SMYD3: variants seen among roughly 807,000 people sequenced by gnomAD.
SMYD3 encodes the protein histone-lysine N-methyltransferase SMYD3.
Under a neutral mutation model 57.7 loss-of-function variants are expected in SMYD3, and 36 were observed. That is an observed-to-expected ratio of 0.62 (90% CI 0.48 to 0.82). SMYD3 has a LOEUF of 0.82. SMYD3 is among the 40% of genes least tolerant of loss of function. SMYD3 has a pLI of 0.00. For synonymous variants in SMYD3, 211 were observed against 195.0 expected (o/e 1.08, Z -0.68); for missense variants, 515 against 538.8 (o/e 0.96, Z 0.44).
intron 5 of SMYD3, among the ~76,000 whole-genome samples, chr1:246,313,360 T>C (rs887327026): frequency 8.5e-5 from 13 of 152,130 alleles, no homozygotes; most frequent in Admixed American, 8.5e-4. Flanking sequence ...ACTGAATGAT[T>C]GTGAAGGAGG....
chr1:246,077,169 T>C (rs1380427297), intron 5 of SMYD3, among the ~76,000 whole-genome samples: 3 of 152,202 alleles, frequency 2.0e-5, no homozygotes, highest in African/African-American at 7.2e-5. Context: ...TGTCTAATTA[T>C]GGTGGCTCTT....
At chr1:245,892,907 T>C (rs2053482644) in intron 8 of SMYD3, among the ~76,000 whole-genome samples, 1 of 152,190 alleles carries the variant, frequency 6.6e-6, no homozygotes, top group Non-Finnish European at 1.5e-5. Context: ...TTAAAACTTC[T>C]GCTTTTCATT....
At chr1:246,289,665 G>A (rs746602943) in intron 5 of SMYD3, among the ~76,000 whole-genome samples, 2 of 152,072 alleles carry the variant, frequency 1.3e-5, no homozygotes, top group African/African-American at 2.4e-5. Context: ...AAGATAATTC[G>A]ACTGCTTGGT....
chr1:246,423,064 C>T (rs1452282535), intron 1 of SMYD3, among the ~76,000 whole-genome samples: 1 of 152,066 alleles, frequency 6.6e-6, no homozygotes, highest in Non-Finnish European at 1.5e-5. Flanking sequence ...TTTGGGAGGC[C>T]AAGGCAGGCG....
intron 1 of SMYD3, among the ~76,000 whole-genome samples, chr1:246,388,099 T>C (rs2066515949): frequency 1.1e-5 from 1 of 94,876 alleles, no homozygotes; most frequent in Non-Finnish European, 2.2e-5. Context: ...GCATTCATTC[T>C]TGAAAATCAC....
intron 5 of SMYD3, among the ~76,000 whole-genome samples, chr1:245,932,634 A>C (rs1367986639): frequency 6.6e-6 from 1 of 152,162 alleles, no homozygotes; most frequent in Non-Finnish European, 1.5e-5. Context: ...ATCATGGCTC[A>C]CTGCAGCCTC....
intron 5 of SMYD3, among the ~76,000 whole-genome samples, chr1:246,018,814 G>C (rs371950805): frequency 6.7e-6 from 1 of 150,106 alleles, no homozygotes; most frequent in East Asian, 2.0e-4. Flanking sequence ...ATTTTTCCCA[G>C]ACTGGTCTCA....
chr1:246,020,367 T>C (rs144578206), intron 5 of SMYD3, among the ~76,000 whole-genome samples: 36 of 152,350 alleles, frequency 2.4e-4, no homozygotes, highest in African/African-American at 8.7e-4. Flanking sequence ...GATTTCCTAA[T>C]GAGCTATGGG....
chr1:246,331,286 G>T (rs754590760), intron 3 of SMYD3, among the ~76,000 whole-genome samples: 1 of 152,210 alleles, frequency 6.6e-6, no homozygotes, highest in Non-Finnish European at 1.5e-5. Context: ...AAGGGCCGAA[G>T]AAATCACTTC....
intron 10 of SMYD3, among the ~76,000 whole-genome samples, chr1:245,854,997 G>A (rs931015930): frequency 1.3e-5 from 2 of 152,124 alleles, no homozygotes; most frequent in Non-Finnish European, 2.9e-5. Flanking sequence ...TATTCAGACC[G>A]GCCACTCTCA....
At position 246,448,701 on chromosome 1, in the gene SMYD3, TTTTAAAAAAA is replaced by T. The variant is rs556349513; in HGVS notation, c.164+58343_164+58352del. On this transcript the variant is annotated intron_variant, in intron 1 of 11. Coordinates refer to ENST00000490107, the MANE Select transcript of SMYD3 (RefSeq NM_001167740.2). ...AACACAGCAAGATCTCATCTCTTTTTTTTAAAAAAAAAAAAAAAAAAAAAAAAGGACAAAA... is the reference window on the plus strand; with the variant it reads ...AACACAGCAAGATCTCATCTCTTTTTAAAAAAAAAAAAAAAAAGGACAAAA... Among the ~76,000 whole-genome samples the T allele has an allele frequency of 2.8e-3, 233 of 82,044 alleles. 5 individuals are homozygous for T. The South Asian group carries it at 0.068, about 24-fold the overall frequency. The allele number at this position is 82,044 out of a possible 152,430, so 53.8% of individuals were successfully genotyped here. A position where few individuals can be genotyped will look rare whatever the true frequency, so the allele number is the denominator to read the frequency against.
intron 5 of SMYD3, among the ~76,000 whole-genome samples, chr1:246,277,085 T>C (rs1020608514): frequency 6.6e-6 from 1 of 152,238 alleles, no homozygotes; most frequent in Non-Finnish European, 1.5e-5. Context: ...TAGCACATGG[T>C]AAATAATATG....
intron 5 of SMYD3, among the ~76,000 whole-genome samples, chr1:246,051,107 T>C (rs1239715099): frequency 1.3e-5 from 2 of 151,258 alleles, no homozygotes; most frequent in African/African-American, 4.9e-5. Context: ...CAGAGCTTAA[T>C]ATTAACTTCT....
In SMYD3 at chr1:245,858,567, C is replaced by T. The variant is rs757653353; in HGVS notation, c.1005G>A (p.Met335Ile). Residue 335 changes from methionine to isoleucine, a missense_variant, in exon 10 of 12, where the codon ATG becomes ATA. By Grantham distance (10) the Met-to-Ile change is conservative (BLOSUM62 1). Coordinates refer to ENST00000490107, the MANE Select transcript of SMYD3 (RefSeq NM_001167740.2). The part of the protein sequence containing the change: ...IYQLKVLDCA[M>I]DACINLGLLE... ...ACAGGCCGAGGTTGATGCAGGCATCCATGGCGCAGTCGAGCACCTTCAGCT... is the reference window on the plus strand; with the variant it reads ...ACAGGCCGAGGTTGATGCAGGCATCTATGGCGCAGTCGAGCACCTTCAGCT... 1 of 1,614,220 alleles carries T rather than the reference C, an allele frequency of 6.2e-7. No homozygotes were observed. The highest frequency in any genetic ancestry group is 8.5e-7 in the Non-Finnish European group (1 of 1,180,050).
At chr1:246,148,503 C>T (rs2061892171) in intron 5 of SMYD3, among the ~76,000 whole-genome samples, 1 of 152,158 alleles carries the variant, frequency 6.6e-6, no homozygotes, top group Non-Finnish European at 1.5e-5. Context: ...CTCTGAGTAC[C>T]TCATTCTTCC....
intron 5 of SMYD3, among the ~76,000 whole-genome samples, chr1:246,207,611 C>G (rs956100365): frequency 1.3e-5 from 2 of 151,742 alleles, no homozygotes; most frequent in African/African-American, 4.8e-5. Flanking sequence ...CAGTAAAAGA[C>G]AAAAGGACAT....
intron 2 of SMYD3, among the ~76,000 whole-genome samples, chr1:246,350,789 T>A (rs930914822): frequency 6.6e-6 from 1 of 151,972 alleles, no homozygotes; most frequent in Non-Finnish European, 1.5e-5. Flanking sequence ...GCAGATAACA[T>A]CACACAGCAG....
chr1:246,004,721 G>T (rs2059139653), intron 5 of SMYD3, among the ~76,000 whole-genome samples: 1 of 152,218 alleles, frequency 6.6e-6, no homozygotes, highest in Non-Finnish European at 1.5e-5. Context: ...GTTACGTAGG[G>T]TTGAGGCCAG....
chr1:246,238,954 G>T (rs1222415381), intron 5 of SMYD3, among the ~76,000 whole-genome samples: 2 of 147,600 alleles, frequency 1.4e-5, no homozygotes, highest in African/African-American at 5.0e-5. Context: ...CTGGAGAGAC[G>T]AACTGTGCAA....
Sources: gnomAD v4.1 joint callset for allele counts (sites outside exome capture counted in the v4.1 genomes callset) on GRCh38, gnomAD v4.1.1 for gene constraint, MANE v1.5 for transcripts, NCBI Gene and HGNC (gene_info 2026-07-23, HGNC 2026-07-21) for gene names.